The following AGBL4 variants were observed in gnomAD, a reference collection of about 807,000 sequenced individuals.
AGBL4 encodes the protein AGBL carboxypeptidase 4.
AGBL4 carries 58 observed loss-of-function variants against 66.4 expected under a neutral mutation model. That is an observed-to-expected ratio of 0.87 (90% confidence interval 0.71 to 1.09). AGBL4 has a LOEUF of 1.09. AGBL4 is among the 50% of genes least tolerant of loss of function. The pLI is 0.00. For synonymous variants in AGBL4, 234 were observed against 222.9 expected, an observed-to-expected ratio of 1.05 and a Z score of -0.44; for missense variants, 579 against 631.0, an observed-to-expected ratio of 0.92 and a Z score of 0.88.
At chr1:49,532,187 T>C (rs759418418) in intron 3 of AGBL4, among the ~76,000 whole-genome samples, 1 of 152,156 alleles carries the variant, frequency 6.6e-6, no homozygotes, top group Non-Finnish European at 1.5e-5. Flanking sequence ...GTCATCTCTA[T>C]GAAGGCAGGC....
intron 3 of AGBL4, among the ~76,000 whole-genome samples, chr1:49,654,665 T>C (rs1487039897): frequency 6.6e-6 from 1 of 152,210 alleles, no homozygotes; most frequent in Non-Finnish European, 1.5e-5. Context: ...TTGATCGCTT[T>C]ATCATTATAT....
chr1:49,002,376 G>C (rs1460858867), intron 5 of AGBL4, among the ~76,000 whole-genome samples: 1 of 152,130 alleles, frequency 6.6e-6, no homozygotes, highest in Non-Finnish European at 1.5e-5. Flanking sequence ...TTAGCATGGA[G>C]GTTCTGTTCA....
chr1:49,277,405 GTTTCT>G (rs959942884), intron 3 of AGBL4, among the ~76,000 whole-genome samples: 3 of 152,074 alleles, frequency 2.0e-5, no homozygotes, highest in African/African-American at 7.2e-5. Flanking sequence ...ATCAATTTCA[GTTTCT>G]TTTCTTGATT....
chr1:49,568,323 G>T (rs2148866427), intron 3 of AGBL4, among the ~76,000 whole-genome samples: 1 of 152,140 alleles, frequency 6.6e-6, no homozygotes, highest in South Asian at 2.1e-4. Flanking sequence ...AAAATGACAA[G>T]CATTCTTATA....
At chr1:49,127,946 A>G (rs1645799754) in intron 4 of AGBL4, among the ~76,000 whole-genome samples, 1 of 152,138 alleles carries the variant, frequency 6.6e-6, no homozygotes, top group Non-Finnish European at 1.5e-5. Context: ...CAAAAATTAA[A>G]GATATCAAGA....
At chr1:49,961,560 A>G (rs998057595) in intron 1 of AGBL4, among the ~76,000 whole-genome samples, 1 of 152,118 alleles carries the variant, frequency 6.6e-6, no homozygotes, top group African/African-American at 2.4e-5. Context: ...GGACTTTTCT[A>G]CTACTATGAA....
At chr1:49,649,762 A>G (rs1423825531) in intron 3 of AGBL4, among the ~76,000 whole-genome samples, 1 of 152,078 alleles carries the variant, frequency 6.6e-6, no homozygotes, top group Non-Finnish European at 1.5e-5. Context: ...TATCTAAACT[A>G]ATTTAAAAGA....
chr1:49,193,179 G>A (rs935539430), intron 4 of AGBL4, among the ~76,000 whole-genome samples: 3 of 150,286 alleles, frequency 2.0e-5, no homozygotes, highest in Non-Finnish European at 4.4e-5. Flanking sequence ...ATAATGCTCT[G>A]TATTTTTTTG....
intron 2 of AGBL4, among the ~76,000 whole-genome samples, chr1:49,818,942 G>A (rs963413509): frequency 2.0e-5 from 3 of 152,184 alleles, no homozygotes; most frequent in Non-Finnish European, 4.4e-5. Context: ...AGTGGAAAGA[G>A]TCCAGGCCTT....
chr1:49,099,986 A>T (rs539982348), intron 4 of AGBL4, among the ~76,000 whole-genome samples: 80 of 152,228 alleles, frequency 5.3e-4, no homozygotes, highest in African/African-American at 1.9e-3. Context: ...GGAACAGTCC[A>T]GGGTCTGTCA....
At chr1:49,173,868 CAGA>C (rs2148169961) in intron 4 of AGBL4, among the ~76,000 whole-genome samples, 1 of 152,180 alleles carries the variant, frequency 6.6e-6, no homozygotes, top group East Asian at 1.9e-4. Flanking sequence ...GGAGGAAAAT[CAGA>C]AGAACATGCA....
At chr1:49,018,384 C>G (rs1662984067) in intron 5 of AGBL4, among the ~76,000 whole-genome samples, 1 of 152,146 alleles carries the variant, frequency 6.6e-6, no homozygotes, top group African/African-American at 2.4e-5. Context: ...CAAGGTCAGT[C>G]TGAACCTAAA....
rs187379318 is a variant in AGBL4, at chr1:49,813,379, T to C, written c.157+38017A>G. 2.0e-3 allele frequency among the ~76,000 whole-genome samples: 302 copies of C among 152,274 alleles called. 2 individuals carry two copies. Among genetic ancestry groups the C allele is most frequent in the African/African-American group, 6.5e-3 (270 of 41,564 alleles). ...CTCTCCTGCTATAAACTCTGAAATA[T>C]TGTCATCAACCTATGCCTCTGCAAA... On this transcript the variant is annotated intron_variant, in intron 2 of 13. Transcript: ENST00000371839.
At chr1:48,961,360 A>G (rs1013804630) in intron 5 of AGBL4, among the ~76,000 whole-genome samples, 49 of 152,226 alleles carry the variant, frequency 3.2e-4, no homozygotes, top group Admixed American at 3.1e-3. Flanking sequence ...TTGGAGCATC[A>G]GCACTGTTAG....
At chr1:49,525,716 A>C (rs905016821) in intron 3 of AGBL4, among the ~76,000 whole-genome samples, 5 of 152,056 alleles carry the variant, frequency 3.3e-5, no homozygotes, top group African/African-American at 9.7e-5. Context: ...GACTTCACTA[A>C]GAAGAAAGAG....
At position 49,523,666 on chromosome 1, in the gene AGBL4, T is replaced by C. The variant is rs1042307317; in HGVS notation, c.282+173647A>G. Among the ~76,000 whole-genome samples, 5 of 152,108 alleles carry C rather than the reference T, an allele frequency of 3.3e-5. No individual in the cohort carries two copies. In the South Asian group the frequency reaches 6.2e-4, roughly 19 times the overall value. On this transcript the variant is annotated intron_variant, in intron 3 of 13. Transcript: ENST00000371839. ...GTAAGGTTGATTTTAATCCTTCCATTTGACTGATGTCAACTCAAATTAATA... is the reference window on the plus strand; with the variant it reads ...GTAAGGTTGATTTTAATCCTTCCATCTGACTGATGTCAACTCAAATTAATA...
At position 48,534,039 on chromosome 1, in the gene AGBL4, T is replaced by C; in HGVS notation, c.*134A>G. On this transcript the variant is annotated 3_prime_UTR_variant, in exon 14 of 14. Coordinates refer to ENST00000371839, the MANE Select transcript of AGBL4 (RefSeq NM_032785.4). ...GGAAAATCAGTGATGAAGTTTCTCATTGTATCCCTTCCCTTTCACTAGCCT... is the reference window on the plus strand; with the variant it reads ...GGAAAATCAGTGATGAAGTTTCTCACTGTATCCCTTCCCTTTCACTAGCCT... 7.3e-7 allele frequency: 1 copy of C among 1,361,420 alleles called. No homozygotes were observed. The highest frequency in any genetic ancestry group is 1.0e-6 in the Non-Finnish European group (1 of 977,716). The allele number at this position is 1,361,420 out of a possible 1,614,324, so 84.3% of individuals were successfully genotyped here. A position where few individuals can be genotyped will look rare whatever the true frequency, so the allele number is the denominator to read the frequency against.
intron 3 of AGBL4, among the ~76,000 whole-genome samples, chr1:49,469,207 ATTG>A (rs1192294060): frequency 6.6e-6 from 1 of 151,752 alleles, no homozygotes; most frequent in African/African-American, 2.4e-5. Context: ...TGCCTATTTT[ATTG>A]TTAAGATATC....
At chr1:49,706,299 T>G (rs927713901) in intron 2 of AGBL4, among the ~76,000 whole-genome samples, 3 of 152,162 alleles carry the variant, frequency 2.0e-5, no homozygotes, top group African/African-American at 7.2e-5. Context: ...GTCCAGGAAT[T>G]CATCCATTTC....
Sources: allele counts gnomAD v4.1 joint callset (sites outside exome capture counted in the v4.1 genomes callset), GRCh38; gene constraint gnomAD v4.1.1; transcripts MANE v1.5; gene names NCBI Gene and HGNC (gene_info 2026-07-23, HGNC 2026-07-21).